Variants in PCDHGA2 observed in about 807,000 individuals in gnomAD.
The protein encoded by PCDHGA2 is protocadherin gamma subfamily A, 2.
In PCDHGA2, 40 loss-of-function variants were observed where a neutral mutation model predicts 59.2. The observed-to-expected ratio is 0.68, with a 90% CI of 0.52 to 0.88. PCDHGA2 has a LOEUF of 0.88. Ranked by LOEUF, PCDHGA2 falls within the 40% of genes least tolerant of loss-of-function variation. PCDHGA2 has a pLI of 0.00. For missense variants in PCDHGA2, 1,226 were observed against 1,204.0 expected, an observed-to-expected ratio of 1.02 and a Z score of -0.27; for synonymous variants, 560 against 526.0, an observed-to-expected ratio of 1.06 and a Z score of -0.89.
chr5:141,404,109 TCCAGGAGAATCTATCTTTTA>T, intron 1 of PCDHGA2: 1 of 1,613,518 alleles, frequency 6.2e-7, no homozygotes, highest in East Asian at 2.2e-5. Flanking sequence ...GTCTGTTCTA[TCCAGGAGAATCTATCTTTTA>T]CATTAGAAAA....
chr5:141,387,136 T>G (rs985189189), intron 1 of PCDHGA2, among the ~76,000 whole-genome samples: 1 of 152,210 alleles, frequency 6.6e-6, no homozygotes, highest in Non-Finnish European at 1.5e-5. Context: ...CTGAAACTAT[T>G]GGGAAGGGGG....
intron 2 of PCDHGA2, among the ~76,000 whole-genome samples, chr5:141,498,543 C>T (rs2099784198): frequency 6.6e-6 from 1 of 151,870 alleles, no homozygotes; most frequent in South Asian, 2.1e-4. Flanking sequence ...CTGGTCTGGT[C>T]AGACACACCA....
At position 141,364,340 on chromosome 5, in the gene PCDHGA2, C is replaced by G. The variant is rs750695410; in HGVS notation, c.2424+22945C>G. The G allele has an allele frequency of 4.6e-6, 7 of 1,534,518 alleles. No individual in the cohort carries two copies. The highest frequency in any genetic ancestry group is 6.1e-6 in the Non-Finnish European group (7 of 1,144,800). On this transcript the variant is annotated intron_variant, in intron 1 of 3. Coordinates refer to ENST00000394576, the MANE Select transcript of PCDHGA2 (RefSeq NM_018915.4). The stretch of plus-strand genomic sequence containing the variant: ...GGGCAGAGAGAAGGCAATGGCGAGT[C>G]CACCTAGGGGCTGGGGCTGCGGAGA...
intron 1 of PCDHGA2, chr5:141,352,736 T>A (rs1456095842): frequency 1.3e-6 from 2 of 1,493,896 alleles, no homozygotes; most frequent in Non-Finnish European, 1.8e-6. Flanking sequence ...AAGCCTGTAA[T>A]CCCAGCACTT....
chr5:141,421,073 G>A (rs2096544393), intron 1 of PCDHGA2: 4 of 613,858 alleles, frequency 6.5e-6, no homozygotes, highest in Non-Finnish European at 1.1e-5. Flanking sequence ...GGAATGAGAT[G>A]GATACTCACA....
intron 1 of PCDHGA2, chr5:141,423,253 C>T (rs750278899): frequency 6.2e-7 from 1 of 1,613,916 alleles, no homozygotes; most frequent in Non-Finnish European, 8.5e-7. Flanking sequence ...CCTGGCGGAC[C>T]TCGGCAGCCT....
In PCDHGA2 at chr5:141,511,223, A is replaced by G. The variant is rs1193308928; in HGVS notation, c.*50A>G. On this transcript the variant is annotated 3_prime_UTR_variant, in exon 4 of 4. Transcript: ENST00000394576. ...AGGGCGGCCTCTCCCCAACCAGCCC[A>G]GCTTCTCCTTACCTGCACCCAGGCC... 1 of 1,604,390 alleles carries G rather than the reference A, an allele frequency of 6.2e-7. No individual in the cohort carries two copies.
In PCDHGA2 at chr5:141,487,120, T is replaced by C. The variant is rs1342042604; in HGVS notation, c.2425-7687T>C. 1.9e-6 allele frequency: 3 copies of C among 1,613,948 alleles called. No homozygotes were observed. Among genetic ancestry groups the C allele is most frequent in the Admixed American group, 1.7e-5 (1 of 60,028 alleles). ...AGAAGCTGGTCATTGTGGTAAAGGA[T>C]AGTGGTAGTCCACCACTCTCTACCT... On this transcript the variant is annotated intron_variant, in intron 1 of 3. Coordinates refer to ENST00000394576, the MANE Select transcript of PCDHGA2 (RefSeq NM_018915.4). The surrounding 1 kb of genome is among the most constrained non-coding windows in gnomAD (Gnocchi z 5.0).
At chr5:141,421,548 G>C in intron 1 of PCDHGA2, 1 of 1,613,984 alleles carries the variant, frequency 6.2e-7, no homozygotes, top group Non-Finnish European at 8.5e-7. Flanking sequence ...TTTTAAATAT[G>C]GAACTTCTCG....
At chr5:141,500,411 G>A (rs376320602) in intron 2 of PCDHGA2, among the ~76,000 whole-genome samples, 4 of 151,592 alleles carry the variant, frequency 2.6e-5, no homozygotes, top group East Asian at 2.0e-4. Context: ...GGGTTTCACC[G>A]TGTTAGCCAG....
chr5:141,418,738 T>G lies in PCDHGA2; in HGVS notation c.2425-76069T>G, dbSNP rs781221446. 4.3e-6 allele frequency: 7 copies of G among 1,613,964 alleles called. No homozygotes were observed. In the South Asian group the frequency reaches 6.6e-5, roughly 15 times the overall value. On this transcript the variant is annotated intron_variant, in intron 1 of 3. Transcript: ENST00000394576. ...CTGACAAAGCTCAGCACGTGTTCTC[T>G]CTGGATTACACTACAGGAAACATTC...
chr5:141,441,633 C>T, intron 1 of PCDHGA2: 1 of 226,756 alleles, frequency 4.4e-6, no homozygotes, highest in Non-Finnish European at 8.9e-6. Flanking sequence ...CCTGGAGCCA[C>T]AGGCGCTGTG....
rs70988802 is a variant in PCDHGA2 at position 141,450,006 on chromosome 5, C to CTATTTTTTTT, written c.2425-44800_2425-44799insATTTTTTTTT. ...CACATTGCATTTAGTTGCCATGTCTCTTTTTTTTTTTTTTTTTTGAGACAG... is the reference window on the plus strand; with the variant it reads ...CACATTGCATTTAGTTGCCATGTCTCTATTTTTTTTTTTTTTTTTTTTTTTTTTGAGACAG... On this transcript the variant is annotated intron_variant, in intron 1 of 3. Transcript: ENST00000394576. Among the ~76,000 whole-genome samples the CTATTTTTTTT allele has an allele frequency of 3.0e-5, 4 of 132,980 alleles. 1 individual carries two copies. The highest frequency in any genetic ancestry group is 5.6e-5 in the African/African-American group (2 of 35,572). 87.2% of individuals were successfully genotyped at this position (132,980 alleles called of 152,430 possible). A position where few individuals can be genotyped will look rare whatever the true frequency, so the allele number is the denominator to read the frequency against.
intron 1 of PCDHGA2, chr5:141,391,283 A>G (rs2092334879): frequency 6.6e-6 from 1 of 152,120 alleles, no homozygotes; most frequent in African/African-American, 2.4e-5. Context: ...CAAATTGCTG[A>G]AAGAAGGAAA....
chr5:141,343,421 G>T, intron 1 of PCDHGA2: 1 of 960,926 alleles, frequency 1.0e-6, no homozygotes. Flanking sequence ...CCTGATAAAT[G>T]TAGTAAGTAT....
intron 1 of PCDHGA2, chr5:141,344,122 A>G (rs1341800745): frequency 6.2e-7 from 1 of 1,614,040 alleles, no homozygotes; most frequent in Non-Finnish European, 8.5e-7. Flanking sequence ...GGATCCGGTC[A>G]GATCCGCTAC....
intron 1 of PCDHGA2, chr5:141,419,076 C>G: frequency 6.2e-7 from 1 of 1,613,956 alleles, no homozygotes; most frequent in Non-Finnish European, 8.5e-7. Context: ...AAGCTAGTAA[C>G]AGATGAGGCC....
chr5:141,391,186 A>G (rs772016494), intron 1 of PCDHGA2: 1 of 152,220 alleles, frequency 6.6e-6, no homozygotes, highest in Non-Finnish European at 1.5e-5. Flanking sequence ...TGGTGTGCAT[A>G]CAAAATATAT....
Position 141,432,195 on chromosome 5 carries a change from C to A in PCDHGA2, c.2425-62612C>A, listed in dbSNP as rs1334965321. ...CTCGTCTCTGTGACCGCCCACGACC[C>A]CGACTGTGAAGAGAACGCCCAGATC... On this transcript the variant is annotated intron_variant, in intron 1 of 3. Transcript: ENST00000394576. This position sits in a 1 kb window ranked among gnomAD's most constrained non-coding sequence, Gnocchi z 6.0. 22 of 1,614,088 alleles carry A rather than the reference C, an allele frequency of 1.4e-5. No homozygotes were observed. The highest frequency in any genetic ancestry group is 1.9e-5 in the Non-Finnish European group (22 of 1,180,058).
Sources: allele counts gnomAD v4.1 joint callset (sites outside exome capture counted in the v4.1 genomes callset), GRCh38; gene constraint gnomAD v4.1.1; non-coding constraint Gnocchi (gnomAD v3.1); transcripts MANE v1.5; gene names NCBI Gene and HGNC (gene_info 2026-07-23, HGNC 2026-07-21).